Variants in ADAT2 observed in about 807,000 individuals in gnomAD.
The protein encoded by ADAT2 is tRNA-specific adenosine-34 deaminase catalytic subunit ADAT2.
In ADAT2, 26 loss-of-function variants were observed where a neutral mutation model predicts 25.9. That is an observed-to-expected ratio of 1.00 (90% CI 0.74 to 1.39). The LOEUF (loss-of-function observed/expected upper bound fraction) is 1.39, where lower values mean the gene tolerates loss of function less well. ADAT2 is among the 40% of genes most tolerant of loss of function. ADAT2 has a pLI of 0.00. For synonymous variants in ADAT2, 76 were observed against 86.8 expected (o/e 0.88, Z 0.69); for missense variants, 220 against 244.8 (o/e 0.90, Z 0.68).
At chr6:143,445,281 T>C (rs1236470195) in intron 1 of ADAT2, among the ~76,000 whole-genome samples, 3 of 152,220 alleles carry the variant, frequency 2.0e-5, no homozygotes, top group East Asian at 3.9e-4. Context: ...ATTAACCTTT[T>C]CAGAGCAGAA....
At chr6:143,439,732 G>C (rs1432156836) in intron 1 of ADAT2, among the ~76,000 whole-genome samples, 1 of 152,168 alleles carries the variant, frequency 6.6e-6, no homozygotes, top group African/African-American at 2.4e-5. Context: ...CTGAGGTGGT[G>C]AAAACTTTCT....
rs1001033519 is a variant in ADAT2, at chr6:143,433,854, C to T, written c.329G>A (p.Cys110Tyr). ...ACTCATCAGGCGGAGAGCAGCTGCA[C>T]ACATAATGCACGGCTCCACAGTGAC... ...LYVTVEPCIM[C>Y]AAALRLMKIP... The change falls in exon 3 of 6, where the codon TGT (cysteine) becomes TAT (tyrosine). Residue 110 changes from cysteine (C) to tyrosine (Y), a missense_variant. Cys to Tyr is a radical substitution (Grantham distance 194). Transcript: ENST00000237283. 3.5e-5 allele frequency: 56 copies of T among 1,613,886 alleles called. No homozygotes were observed. The highest frequency in any genetic ancestry group is 4.7e-5 in the Non-Finnish European group (55 of 1,179,972).
chr6:143,433,544 C>T (rs1583975773), intron 3 of ADAT2, among the ~76,000 whole-genome samples: 2 of 152,130 alleles, frequency 1.3e-5, no homozygotes, highest in East Asian at 3.8e-4. Context: ...GTTTTATAAT[C>T]CACTTCAACT....
chr6:143,445,098 T>A, intron 1 of ADAT2: 1 of 298,282 alleles, frequency 3.4e-6, no homozygotes, highest in Non-Finnish European at 6.1e-6. Context: ...GATTACTCTC[T>A]GAGTAATTAG....
Position 143,433,920 on chromosome 6 carries a change from C to A in ADAT2, c.263G>T (p.Gly88Val). 1 of 1,614,154 alleles carries A rather than the reference C, an allele frequency of 6.2e-7. No homozygotes were observed. Among genetic ancestry groups the A allele is most frequent in the Non-Finnish European group, 8.5e-7 (1 of 1,180,026 alleles). Reference sequence around the variant, plus strand: ...TTCAAATACTTCAGAGGGACTCTTGCCACTTTGACGACACCAATCGAGGAC... The same window carrying A: ...TTCAAATACTTCAGAGGGACTCTTGACACTTTGACGACACCAATCGAGGAC... Reference protein sequence around the residue: ...DQVLDWCRQSGKSPSEVFEHT... With the variant: ...DQVLDWCRQSVKSPSEVFEHT... Residue 88 changes from glycine to valine, a missense_variant, in exon 3 of 6, where the codon GGC becomes GTC. Transcript: ENST00000237283.
At chr6:143,449,332 A>G (rs1047203207) in intron 1 of ADAT2, among the ~76,000 whole-genome samples, 3 of 152,224 alleles carry the variant, frequency 2.0e-5, no homozygotes. Context: ...GATTACAGGC[A>G]TGAGCCACTG....
chr6:143,445,736 C>A (rs1779581907), intron 1 of ADAT2, among the ~76,000 whole-genome samples: 1 of 152,136 alleles, frequency 6.6e-6, no homozygotes, highest in Non-Finnish European at 1.5e-5. Context: ...TAGATCCAGG[C>A]ACTACGAAGC....
chr6:143,448,600 C>T (rs1244137320), intron 1 of ADAT2, among the ~76,000 whole-genome samples: 1 of 152,122 alleles, frequency 6.6e-6, no homozygotes, highest in Non-Finnish European at 1.5e-5. Flanking sequence ...ATTGCTTTCA[C>T]TTTTGCCAAT....
At chr6:143,429,863 G>A (rs1030654734) in intron 4 of ADAT2, among the ~76,000 whole-genome samples, 2 of 152,034 alleles carry the variant, frequency 1.3e-5, no homozygotes, top group Admixed American at 6.5e-5. Flanking sequence ...CTGGGCCTCC[G>A]ACACCTGCAT....
In ADAT2 at chr6:143,432,667, A is replaced by G; in HGVS notation, c.353-56T>C. On this transcript the variant is annotated intron_variant, in intron 3 of 5. Coordinates refer to ENST00000237283, the MANE Select transcript of ADAT2 (RefSeq NM_182503.3). This position sits in a 1 kb window ranked among gnomAD's most constrained non-coding sequence, Gnocchi z 4.4. The stretch of plus-strand genomic sequence containing the variant: ...GTACATTTCAAGTATGTATCGTGAC[A>G]AAATCAGAGTAGGTTTATACCAGCC... 2 of 1,549,388 alleles carry G rather than the reference A, an allele frequency of 1.3e-6. No homozygotes were observed. Among genetic ancestry groups the G allele is most frequent in the Non-Finnish European group, 1.8e-6 (2 of 1,122,078 alleles).
rs1299926435 is a variant in ADAT2 at position 143,426,385 on chromosome 6, A to T, written c.*2078T>A. 2 of 152,198 alleles carry T rather than the reference A, an allele frequency of 1.3e-5. No homozygotes were observed. The highest frequency in any genetic ancestry group is 4.8e-5 in the African/African-American group (2 of 41,458). 9.4% of individuals were successfully genotyped at this position (152,198 alleles called of 1,614,324 possible). On this transcript the variant is annotated 3_prime_UTR_variant, in exon 6 of 6. Transcript: ENST00000237283. This position sits in a 1 kb window ranked among gnomAD's most constrained non-coding sequence, Gnocchi z 4.1. ...TCAGTGGTCCTGCCCTCCAATCTGC[A>T]GTATGCCATATTAATGATTTTCTCC...
Position 143,436,446 on chromosome 6 carries a change from C to A in ADAT2, c.201+2144G>T. 1 of 266,836 alleles carries A rather than the reference C, an allele frequency of 3.7e-6. No individual in the cohort carries two copies. The highest frequency in any genetic ancestry group is 7.7e-6 in the Non-Finnish European group (1 of 130,168). 16.5% of individuals were successfully genotyped at this position (266,836 alleles called of 1,614,324 possible). On this transcript the variant is annotated intron_variant, in intron 2 of 5. Coordinates refer to ENST00000237283, the MANE Select transcript of ADAT2 (RefSeq NM_182503.3). This position sits in a 1 kb window ranked among gnomAD's most constrained non-coding sequence, Gnocchi z 4.1. Reference sequence around the variant, plus strand: ...AAACAGCTTTCTGGGACATCCCATCCGCAGGACTAAAAACGTCCACCACTT... The same window carrying A: ...AAACAGCTTTCTGGGACATCCCATCAGCAGGACTAAAAACGTCCACCACTT...
Position 143,426,565 on chromosome 6 carries a change from C to T in ADAT2, c.*1898G>A, listed in dbSNP as rs147240233. The T allele has an allele frequency of 8.5e-5, 13 of 152,200 alleles. No homozygotes were observed. The highest frequency in any genetic ancestry group is 2.9e-4 in the African/African-American group (12 of 41,438). The allele number at this position is 152,200 out of a possible 1,614,324, so 9.4% of individuals were successfully genotyped here. A position where few individuals can be genotyped will look rare whatever the true frequency, so the allele number is the denominator to read the frequency against. On this transcript the variant is annotated 3_prime_UTR_variant, in exon 6 of 6. Transcript: ENST00000237283. This position sits in a 1 kb window ranked among gnomAD's most constrained non-coding sequence, Gnocchi z 4.1. The stretch of plus-strand genomic sequence containing the variant: ...GAAACACTACTTATCCATCATTCTC[C>T]AAAACAGCAAAGACGGAACATATGT...
At position 143,424,364 on chromosome 6, in the gene ADAT2, G is replaced by A. The variant is rs891872495; in HGVS notation, c.*4099C>T. The A allele has an allele frequency of 1.3e-5, 2 of 152,172 alleles. No individual in the cohort carries two copies. Among genetic ancestry groups the A allele is most frequent in the Non-Finnish European group, 2.9e-5 (2 of 68,038 alleles). 9.4% of individuals were successfully genotyped at this position (152,172 alleles called of 1,614,324 possible). A position where few individuals can be genotyped will look rare whatever the true frequency, so the allele number is the denominator to read the frequency against. On this transcript the variant is annotated 3_prime_UTR_variant, in exon 6 of 6. Transcript: ENST00000237283. The surrounding 1 kb of genome is among the most constrained non-coding windows in gnomAD (Gnocchi z 4.8). ...CATCACCACAGATTTTTAACAAGGCGCTATACTACTTTTAAAAAAGATTTA... is the reference window on the plus strand; with the variant it reads ...CATCACCACAGATTTTTAACAAGGCACTATACTACTTTTAAAAAAGATTTA...
In ADAT2 at chr6:143,440,599, C is replaced by T. The variant is rs533647436; in HGVS notation, c.97-1905G>A. On this transcript the variant is annotated intron_variant, in intron 1 of 5. Transcript: ENST00000237283. The surrounding 1 kb of genome is among the most constrained non-coding windows in gnomAD (Gnocchi z 4.5). ...ACTATTTTATGAACTATCCACAGGCCGGTTGTGTCCCAGTTCTGTGACAGT... is the reference window on the plus strand; with the variant it reads ...ACTATTTTATGAACTATCCACAGGCTGGTTGTGTCCCAGTTCTGTGACAGT... 1.9e-4 allele frequency among the ~76,000 whole-genome samples: 29 copies of T among 152,140 alleles called. No individual in the cohort carries two copies. Among genetic ancestry groups the T allele is most frequent in the Admixed American group, 4.6e-4 (7 of 15,282 alleles).
chr6:143,450,219 G>A (rs1417776867), intron 1 of ADAT2, among the ~76,000 whole-genome samples: 1 of 152,134 alleles, frequency 6.6e-6, no homozygotes, highest in East Asian at 1.9e-4. Context: ...CATGTTCCAA[G>A]GGCCAAAACC....
Position 143,429,160 on chromosome 6 carries a change from GT to G in ADAT2, c.460-477del, listed in dbSNP as rs537312469. Among the ~76,000 whole-genome samples, 211 of 152,290 alleles carry G rather than the reference GT, an allele frequency of 1.4e-3. No individual in the cohort carries two copies. In the Middle Eastern group the frequency reaches 0.017, roughly 12 times the overall value. ...AAGCATTCCATGCTATAGAGCTAGG[GT>G]TGGCAAATTATACTTGGTGGACCAA... On this transcript the variant is annotated intron_variant, in intron 4 of 5. Transcript: ENST00000237283.
In ADAT2 at chr6:143,423,127, C is replaced by T. The variant is rs9484744; in HGVS notation, c.*5336G>A. On this transcript the variant is annotated 3_prime_UTR_variant, in exon 6 of 6. Transcript: ENST00000237283. ...ATCTCAGCCTTTTACCTACTCTAGA[C>T]CAGGGGCAGCTAACATTTTCTCGAA... is the stretch of plus-strand genomic sequence containing the variant. 42,644 of 152,100 alleles carry T rather than the reference C, an allele frequency of 0.28. 6,232 individuals are homozygous for T. Among genetic ancestry groups the T allele is most frequent in the Admixed American group, 0.32 (4,869 of 15,278 alleles). The allele number at this position is 152,100 out of a possible 1,614,324, so 9.4% of individuals were successfully genotyped here. A position where few individuals can be genotyped will look rare whatever the true frequency, so the allele number is the denominator to read the frequency against.
rs748841771 is a variant in ADAT2, at chr6:143,423,704, G to C, written c.*4759C>G. On this transcript the variant is annotated 3_prime_UTR_variant, in exon 6 of 6. Transcript: ENST00000237283. ...AGTGATTAGGAAATTACTAAGAGGA[G>C]ATATCAAGAGTAGAGTTCTTGCAAA... is the stretch of plus-strand genomic sequence containing the variant. 1.4e-4 allele frequency: 22 copies of C among 152,174 alleles called. No individual in the cohort carries two copies. Among genetic ancestry groups the C allele is most frequent in the Non-Finnish European group, 2.5e-4 (17 of 68,042 alleles). 9.4% of individuals were successfully genotyped at this position (152,174 alleles called of 1,614,324 possible).
Sources: allele counts gnomAD v4.1 joint callset (sites outside exome capture counted in the v4.1 genomes callset), GRCh38; gene constraint gnomAD v4.1.1; non-coding constraint Gnocchi (gnomAD v3.1); transcripts MANE v1.5; gene names NCBI Gene and HGNC (gene_info 2026-07-23, HGNC 2026-07-21).